HMCN1: variants seen among roughly 807,000 people sequenced by gnomAD.
HMCN1 encodes the protein hemicentin 1.
HMCN1 carries 321 observed loss-of-function variants against 625.9 expected under a neutral mutation model. That is an observed-to-expected ratio of 0.51 (90% CI 0.47 to 0.56). The LOEUF (loss-of-function observed/expected upper bound fraction) is 0.56, where lower values mean the gene tolerates loss of function less well. Among genes scored for constraint, HMCN1 ranks in the 20% least tolerant of loss-of-function variants. The pLI is 0.00. For synonymous variants in HMCN1, 2,425 were observed against 2,417.6 expected, an observed-to-expected ratio of 1.00 and a Z score of -0.09; for missense variants, 6,588 against 6,887.3, an observed-to-expected ratio of 0.96 and a Z score of 1.54.
rs115284763 is a variant in HMCN1, at chr1:186,046,863, G to A, written c.6480+1000G>A. 1.9e-3 allele frequency among the ~76,000 whole-genome samples: 294 copies of A among 152,222 alleles called. 1 individual carries two copies. The highest frequency in any genetic ancestry group is 6.6e-3 in the African/African-American group (275 of 41,552). On this transcript the variant is annotated intron_variant, in intron 41 of 106. Coordinates refer to ENST00000271588, the MANE Select transcript of HMCN1 (RefSeq NM_031935.3). ...AGATTCAGGAGGACAGAAGACCACC[G>A]AATGTTTATAACACTCTCATAATAA...
intron 11 of HMCN1, among the ~76,000 whole-genome samples, chr1:185,951,029 C>G (rs1216851223): frequency 1.3e-5 from 2 of 149,786 alleles, no homozygotes; most frequent in African/African-American, 5.0e-5. Context: ...AAGCGTGCTG[C>G]GGGATGGGAT....
intron 22 of HMCN1, among the ~76,000 whole-genome samples, chr1:185,991,162 A>G (rs1227301312): frequency 6.6e-6 from 1 of 152,230 alleles, no homozygotes; most frequent in East Asian, 1.9e-4. Flanking sequence ...GGCAAAAGTT[A>G]CTGGTGAAAT....
At chr1:186,087,688 G>A (rs777613740) in intron 60 of HMCN1, 43 bp downstream of exon 60, 1 of 1,570,524 alleles carries the variant, frequency 6.4e-7, no homozygotes, top group South Asian at 1.1e-5. Context: ...CACCTTGGTG[G>A]GGTGGTGGAA....
In HMCN1 at chr1:186,117,576, G is replaced by A. The variant is rs1250593935; in HGVS notation, c.11801G>A (p.Gly3934Asp). Residue 3934 changes from glycine (G) to aspartate (D), a missense_variant, in exon 77 of 107, where the codon GGT becomes GAT. Around this residue, in one of 3 missense-constraint regions of HMCN1, gnomAD observed 4,628 missense variants for 4,853.1 expected, o/e 0.95. Coordinates refer to ENST00000271588, the MANE Select transcript of HMCN1 (RefSeq NM_031935.3). The part of the protein sequence containing the change: ...PFPSIHWTKN[G>D]IRLLPRGDGY... Reference sequence around the variant, plus strand: ...CCCTCAATTCACTGGACCAAAAATGGTATAAGACTGCTTCCCAGGGGAGAT... The same window carrying A: ...CCCTCAATTCACTGGACCAAAAATGATATAAGACTGCTTCCCAGGGGAGAT... The A allele has an allele frequency of 1.2e-6, 2 of 1,613,868 alleles. No individual in the cohort carries two copies. Among genetic ancestry groups the A allele is most frequent in the South Asian group, 2.2e-5 (2 of 91,074 alleles).
chr1:185,968,118 T>C (rs1650551238), intron 14 of HMCN1, among the ~76,000 whole-genome samples: 1 of 152,140 alleles, frequency 6.6e-6, no homozygotes, highest in Non-Finnish European at 1.5e-5. Context: ...CTCTAGGGGT[T>C]CCCACAATTC....
intron 80 of HMCN1, 96 bp from the exon 81 acceptor site, chr1:186,122,855 C>A: frequency 7.6e-7 from 1 of 1,308,196 alleles, no homozygotes; most frequent in Non-Finnish European, 1.1e-6. Flanking sequence ...GATTTTGTTT[C>A]TTATCAATGT....
rs1343223273 is a variant in HMCN1 at position 186,053,965 on chromosome 1, G to T, written c.6841G>T (p.Glu2281Ter). 1.2e-6 allele frequency: 2 copies of T among 1,612,446 alleles called. No homozygotes were observed. The highest frequency in any genetic ancestry group is 1.7e-6 in the Non-Finnish European group (2 of 1,179,114). ...ASNVAGTAKK[E>*]YNLQVYIRPT... ...GAATGTTGCTGGGACTGCAAAGAAA[G>T]AATACAATCTGCAAGTTTACAGTAA... The change falls in exon 44 of 107, where the codon GAA becomes TAA. Residue 2281 changes from glutamate (E) to a stop codon, truncating the protein, a stop_gained. Coordinates refer to ENST00000271588, the MANE Select transcript of HMCN1 (RefSeq NM_031935.3). LOFTEE classifies it high-confidence loss of function.
chr1:185,807,660 A>G (rs1659256093), intron 1 of HMCN1, among the ~76,000 whole-genome samples: 1 of 152,154 alleles, frequency 6.6e-6, no homozygotes, highest in African/African-American at 2.4e-5. Context: ...AAGCCTTCCA[A>G]TGTTATTTAT....
rs546399419 is a variant in HMCN1, at chr1:185,743,387, G to A, written c.268+8340G>A. On this transcript the variant is annotated intron_variant, in intron 1 of 106. Transcript: ENST00000271588. ...TCCCATCCAAGCTTGAATATGAAAT[G>A]GAAGGCTAATTATGACCCAGATAAT... is the stretch of plus-strand genomic sequence containing the variant. 4.7e-4 allele frequency among the ~76,000 whole-genome samples: 72 copies of A among 152,262 alleles called. 2 individuals carry two copies. In the South Asian group the frequency reaches 0.015, roughly 31 times the overall value.
chr1:186,035,148 T>G (rs977136480), intron 36 of HMCN1, among the ~76,000 whole-genome samples: 1 of 152,172 alleles, frequency 6.6e-6, no homozygotes, highest in Non-Finnish European at 1.5e-5. Context: ...TATTTATAAG[T>G]CTTGTGTCCT....
At chr1:186,117,144 A>G (rs1196505258) in intron 76 of HMCN1, 29 bp downstream of exon 76, 2 of 1,612,202 alleles carry the variant, frequency 1.2e-6, no homozygotes, top group African/African-American at 2.7e-5. Context: ...ATGGATTGAA[A>G]CATGATAATG....
chr1:185,894,199 CAT>C (rs72330289), intron 4 of HMCN1, among the ~76,000 whole-genome samples: 9,656 of 151,928 alleles, frequency 0.064, 1,071 homozygotes, highest in African/African-American at 0.22. Flanking sequence ...ACAAAAATAA[CAT>C]AGATTAATTT....
rs771757920 is a variant in HMCN1 at position 186,189,724 on chromosome 1, A to C, written c.16754A>C (p.Glu5585Ala). 54 of 1,613,492 alleles carry C rather than the reference A, an allele frequency of 3.3e-5. No individual in the cohort carries two copies. The highest frequency in any genetic ancestry group is 4.5e-5 in the Non-Finnish European group (53 of 1,179,672). ...EQTVPFALRD[E>A]NLKGVVYTTR... ...ACTGTTCCTTTTGCCTTGAGGGATG[A>C]AAACCTGAAAGGAGTGGTGTATACA... The change falls in exon 107 of 107, where the codon GAA becomes GCA. Residue 5585 changes from glutamate to alanine, a missense_variant. Glu to Ala is a moderately radical substitution (Grantham distance 107, BLOSUM62 -1). Coordinates refer to ENST00000271588, the MANE Select transcript of HMCN1 (RefSeq NM_031935.3).
intron 1 of HMCN1, among the ~76,000 whole-genome samples, chr1:185,801,535 T>G (rs1282538710): frequency 6.6e-6 from 1 of 152,214 alleles, no homozygotes; most frequent in Non-Finnish European, 1.5e-5. Context: ...GCTAACAGTC[T>G]TGTGGAGAGA....
intron 1 of HMCN1, among the ~76,000 whole-genome samples, chr1:185,784,607 G>A (rs768335816): frequency 4.6e-5 from 7 of 152,012 alleles, no homozygotes; most frequent in Non-Finnish European, 1.0e-4. Flanking sequence ...GTAAACATGA[G>A]CTAGACAGAC....
intron 72 of HMCN1, among the ~76,000 whole-genome samples, chr1:186,113,357 T>A (rs1482774421): frequency 6.6e-6 from 1 of 152,228 alleles, no homozygotes; most frequent in Non-Finnish European, 1.5e-5. Flanking sequence ...TTATTAAGTA[T>A]AATAGCTGAA....
chr1:186,136,678 T>G lies in HMCN1; in HGVS notation c.13323T>G (p.Ile4441Met). Reference sequence around the variant, plus strand: ...TGCTTTTTTCCGTAGGTCCTCCTATTATCACTCTTGAGCCAGTGGAAACTG... The same window carrying G: ...TGCTTTTTTCCGTAGGTCCTCCTATGATCACTCTTGAGCCAGTGGAAACTG... Reference protein sequence around the residue: ...SMSLTLQSPPIITLEPVETVI... With the variant: ...SMSLTLQSPPMITLEPVETVI... The change falls in exon 87 of 107, where the codon ATT becomes ATG. Residue 4441 changes from isoleucine (I) to methionine (M), a missense_variant. Around this residue, in one of 3 missense-constraint regions of HMCN1, gnomAD observed 1,954 missense variants for 2,013.1 expected, o/e 0.97. Coordinates refer to ENST00000271588, the MANE Select transcript of HMCN1 (RefSeq NM_031935.3). 6.2e-7 allele frequency: 1 copy of G among 1,613,942 alleles called. No individual in the cohort carries two copies. The highest frequency in any genetic ancestry group is 8.5e-7 in the Non-Finnish European group (1 of 1,179,862).
Position 186,074,872 on chromosome 1 carries a change from T to A in HMCN1, c.8271T>A (p.Asp2757Glu), listed in dbSNP as rs754923516. ...ASNIAGEDEL[D>E]FDVNIQVPPS... ...ACATTGCAGGTGAAGATGAGTTGGA[T>A]TTTGATGTGAATATTCAAGGTAATA... Residue 2757 changes from aspartate to glutamate, a missense_variant, in exon 53 of 107, where the codon GAT (aspartate) becomes GAA (glutamate). By Grantham distance (45) the Asp-to-Glu change is conservative. Transcript: ENST00000271588. 5.6e-6 allele frequency: 9 copies of A among 1,612,332 alleles called. No individual in the cohort carries two copies. The highest frequency in any genetic ancestry group is 4.2e-6 in the Non-Finnish European group (5 of 1,178,674).
intron 86 of HMCN1, 21 bp from the exon 87 acceptor site, chr1:186,136,647 A>C: frequency 6.2e-7 from 1 of 1,613,202 alleles, no homozygotes; most frequent in Non-Finnish European, 8.5e-7. Context: ...AAACTGAGAC[A>C]CTATGTGCTT....
Sources: gnomAD v4.1 joint callset for allele counts (sites outside exome capture counted in the v4.1 genomes callset) on GRCh38, gnomAD v4.1.1 for gene constraint, gnomAD v4.1.1 regional missense constraint, MANE v1.5 for transcripts, NCBI Gene and HGNC (gene_info 2026-07-23, HGNC 2026-07-21) for gene names.